The following NFIB variants were observed in gnomAD, a reference collection of about 807,000 sequenced individuals.
The protein encoded by NFIB is nuclear factor I B.
In NFIB, 11 loss-of-function variants were observed where a neutral mutation model predicts 61.5. The observed-to-expected ratio is 0.18, with a 90% CI of 0.11 to 0.30. The LOEUF (loss-of-function observed/expected upper bound fraction) is 0.30, where lower values mean the gene tolerates loss of function less well. Ranked by LOEUF, NFIB falls within the 10% of genes least tolerant of loss-of-function variation. NFIB has a pLI of 1.00. For missense variants in NFIB, 471 were observed against 608.9 expected (o/e 0.77, Z 2.38); for synonymous variants, 260 against 216.5 (o/e 1.20, Z -1.76).
chr9:14,457,346 C>A, the NFIB span, among the ~76,000 whole-genome samples: 12 of 152,062 alleles, frequency 7.9e-5, no homozygotes, highest in African/African-American at 2.4e-4. Context: ...TTAGTTTGAA[C>A]GAGTTGATGT....
intron 2 of NFIB, chr9:14,204,855 T>C: frequency 2.3e-6 from 1 of 435,100 alleles, no homozygotes; most frequent in Non-Finnish European, 4.3e-6. Context: ...ACTGCTGCCT[T>C]CATACAGGTT....
the NFIB span, among the ~76,000 whole-genome samples, chr9:14,441,089 C>A: frequency 1.3e-5 from 2 of 149,670 alleles, no homozygotes; most frequent in African/African-American, 2.5e-5. Context: ...AAACCTGGAC[C>A]CTTGACAGCT....
chr9:14,405,171 G>T, the NFIB span, among the ~76,000 whole-genome samples: 1 of 152,306 alleles, frequency 6.6e-6, no homozygotes, highest in South Asian at 2.1e-4. Context: ...GCTGGCTGGT[G>T]ATGCCCAGTC....
At chr9:14,322,048 T>G in intron 1 of NFIB, 1 of 1,220,698 alleles carries the variant, frequency 8.2e-7, no homozygotes, top group Non-Finnish European at 1.0e-6. Context: ...TCTCAGGGGT[T>G]GTTTTGGTGT....
At chr9:14,324,397 A>T (rs2060727818) in intron 1 of NFIB, among the ~76,000 whole-genome samples, 1 of 152,214 alleles carries the variant, frequency 6.6e-6, no homozygotes, top group Admixed American at 6.5e-5. Context: ...AGTAACATGT[A>T]AGTAACACTT....
At chr9:14,253,602 G>A (rs1346424195) in intron 2 of NFIB, among the ~76,000 whole-genome samples, 8 of 152,002 alleles carry the variant, frequency 5.3e-5, no homozygotes, top group African/African-American at 9.7e-5. Context: ...TGGCTGAGGC[G>A]GGAGGATTGC....
intron 2 of NFIB, among the ~76,000 whole-genome samples, chr9:14,241,126 G>C (rs567552460): frequency 6.6e-6 from 1 of 152,306 alleles, no homozygotes; most frequent in Admixed American, 6.5e-5. Flanking sequence ...CAAATGAGGG[G>C]CAAATGTATT....
At chr9:14,298,900 G>A (rs927523) in intron 2 of NFIB, among the ~76,000 whole-genome samples, 2 of 152,316 alleles carry the variant, frequency 1.3e-5, no homozygotes, top group South Asian at 2.1e-4. Context: ...AGTTGCATCA[G>A]GTAGCAGGGT....
intron 10 of NFIB, chr9:14,102,659 A>C (rs939685132): frequency 2.1e-5 from 12 of 575,664 alleles, no homozygotes; most frequent in Non-Finnish European, 3.3e-5. Context: ...GCAAAAAAAA[A>C]TCTTATTCTT....
intron 1 of NFIB, chr9:14,308,200 G>A (rs1360941388): frequency 1.3e-5 from 2 of 152,202 alleles, no homozygotes; most frequent in Admixed American, 6.5e-5. Flanking sequence ...GTGGTAACTA[G>A]AGAAACCGGT....
intron 2 of NFIB, among the ~76,000 whole-genome samples, chr9:14,198,680 G>A (rs1275384680): frequency 6.6e-6 from 1 of 152,186 alleles, no homozygotes; most frequent in Non-Finnish European, 1.5e-5. Flanking sequence ...CAGCAATGCT[G>A]GGGCCAAGAA....
intron 5 of NFIB, among the ~76,000 whole-genome samples, chr9:14,148,127 G>A (rs1204880335): frequency 6.6e-6 from 1 of 151,432 alleles, no homozygotes; most frequent in South Asian, 2.1e-4. Context: ...TTCTTTTTTT[G>A]TTTGTTTGTT....
intron 2 of NFIB, among the ~76,000 whole-genome samples, chr9:14,187,951 C>T (rs529172133): frequency 6.6e-6 from 1 of 152,162 alleles, no homozygotes; most frequent in Non-Finnish European, 1.5e-5. Flanking sequence ...AACCCACCCC[C>T]CACAACAATG....
At chr9:14,514,507 G>C in the NFIB span, among the ~76,000 whole-genome samples, 3 of 152,090 alleles carry the variant, frequency 2.0e-5, no homozygotes, top group Non-Finnish European at 2.9e-5. Flanking sequence ...CTTTCTCACA[G>C]TATTTTTAAT....
chr9:14,122,321 G>A lies in NFIB; in HGVS notation c.1061-1697C>T, dbSNP rs574684823. On this transcript the variant is annotated intron_variant, in intron 7 of 10. Coordinates refer to ENST00000380953, the MANE Select transcript of NFIB (RefSeq NM_001190737.2). ...ATAGTCACGACTTTGTTCTCTGAACGTCCAGAGCACTGTTTCTGAAATTCT... is the reference window on the plus strand; with the variant it reads ...ATAGTCACGACTTTGTTCTCTGAACATCCAGAGCACTGTTTCTGAAATTCT... Among the ~76,000 whole-genome samples, 6 of 152,212 alleles carry A rather than the reference G, an allele frequency of 3.9e-5. No individual in the cohort carries two copies. In the East Asian group the frequency reaches 5.8e-4, roughly 15 times the overall value.
the NFIB span, among the ~76,000 whole-genome samples, chr9:14,498,157 A>C: frequency 6.6e-6 from 1 of 152,220 alleles, no homozygotes; most frequent in African/African-American, 2.4e-5. Flanking sequence ...CCTTGCCCTG[A>C]AAGCAGCAGG....
intron 2 of NFIB, among the ~76,000 whole-genome samples, chr9:14,306,391 A>G (rs1302894845): frequency 6.6e-6 from 1 of 152,226 alleles, no homozygotes; most frequent in African/African-American, 2.4e-5. Context: ...ATATTGCACA[A>G]TCAAAAGTGA....
chr9:14,359,101 G>A (rs1326500010), intron 1 of NFIB, among the ~76,000 whole-genome samples: 1 of 152,162 alleles, frequency 6.6e-6, no homozygotes, highest in African/African-American at 2.4e-5. Context: ...TTACACTACA[G>A]AACTGGGCAA....
chr9:14,295,499 A>C lies in NFIB; in HGVS notation c.562+11490T>G, dbSNP rs558020102. ...AAAAAAACTCAGCCGGGCGTGGGGAAGGGCGCCTGTAGTCCCAGCTACTCG... is the reference window on the plus strand; with the variant it reads ...AAAAAAACTCAGCCGGGCGTGGGGACGGGCGCCTGTAGTCCCAGCTACTCG... On this transcript the variant is annotated intron_variant, in intron 2 of 10. Transcript: ENST00000380953. Among the ~76,000 whole-genome samples the C allele has an allele frequency of 8.6e-4, 131 of 151,732 alleles. 1 individual carries two copies. The East Asian group carries it at 0.012, about 14-fold the overall frequency.
Sources: allele counts gnomAD v4.1 joint callset (sites outside exome capture counted in the v4.1 genomes callset), GRCh38; gene constraint gnomAD v4.1.1; transcripts MANE v1.5; gene names NCBI Gene and HGNC (gene_info 2026-07-23, HGNC 2026-07-21).